The following SLIT1 variants were observed in gnomAD, a reference collection of about 807,000 sequenced individuals.
The protein encoded by SLIT1 is slit homolog 1 protein.
Under a neutral mutation model 186.1 loss-of-function variants are expected in SLIT1, and 66 were observed. The ratio of observed to expected loss-of-function variants is 0.35; its 90% CI spans 0.29 to 0.44. SLIT1 has a LOEUF of 0.44. SLIT1 is among the 20% of genes least tolerant of loss of function. SLIT1 has a pLI of 1.00. For missense variants in SLIT1, 1,638 were observed against 2,037.4 expected (o/e 0.80, Z 3.77); for synonymous variants, 761 against 833.8 (o/e 0.91, Z 1.50).
Position 97,019,060 on chromosome 10 carries a change from T to C in SLIT1, c.2794A>G (p.Ser932Gly), listed in dbSNP as rs751704573. The change falls in exon 27 of 37, where the codon AGT becomes GGT. Residue 932 changes from serine (S) to glycine (G), a missense_variant. Physicochemically the swap from Ser to Gly is moderately conservative, Grantham distance 56 (BLOSUM62 0). Transcript: ENST00000266058. ...CAGGTGCCCTGGTTCTGGCACGGACTGGACAAGCAGAGATCACACTTGGCC... is the reference window on the plus strand; with the variant it reads ...CAGGTGCCCTGGTTCTGGCACGGACCGGACAAGCAGAGATCACACTTGGCC... ...VQAKCDLCLS[S>G]PCQNQGTCHN... is the part of the protein sequence containing the mutation. The C allele has an allele frequency of 6.2e-7, 1 of 1,613,712 alleles. No individual in the cohort carries two copies. The highest frequency in any genetic ancestry group is 1.3e-5 in the African/African-American group (1 of 74,844).
intron 3 of SLIT1, among the ~76,000 whole-genome samples, chr10:97,160,141 G>C (rs17411116): frequency 6.6e-6 from 1 of 152,090 alleles, no homozygotes; most frequent in African/African-American, 2.4e-5. Context: ...CTGCAGACCC[G>C]CTGAGGCCAC....
At chr10:97,033,167 G>GC (rs1222203858) in intron 23 of SLIT1, among the ~76,000 whole-genome samples, 1 of 151,236 alleles carries the variant, frequency 6.6e-6, no homozygotes, top group Admixed American at 6.6e-5. Context: ...TCCCACCTCA[G>GC]CCCCCCAAGT....
chr10:97,109,041 AT>A (rs1849441617), intron 4 of SLIT1, among the ~76,000 whole-genome samples: 1 of 151,680 alleles, frequency 6.6e-6, no homozygotes, highest in Non-Finnish European at 1.5e-5. Flanking sequence ...TGAAATAAAA[AT>A]TACAATCTAA....
At chr10:97,046,626 A>T (rs756345344) in intron 18 of SLIT1, 28 bp downstream of exon 18, 1 of 1,577,266 alleles carries the variant, frequency 6.3e-7, no homozygotes, top group South Asian at 1.1e-5. Context: ...CAGCTGGCCC[A>T]CCCTGCTCCC....
intron 4 of SLIT1, among the ~76,000 whole-genome samples, chr10:97,125,919 G>A (rs570178160): frequency 2.6e-5 from 4 of 152,248 alleles, no homozygotes; most frequent in African/African-American, 9.6e-5. Context: ...TATATGTGCT[G>A]ATATACAGTG....
intron 4 of SLIT1, among the ~76,000 whole-genome samples, chr10:97,135,794 AC>A (rs1284972899): frequency 2.0e-5 from 3 of 152,162 alleles, no homozygotes; most frequent in Admixed American, 1.3e-4. Context: ...AATGACAGAG[AC>A]CAGGTCGGGG....
At chr10:97,013,917 G>A in intron 29 of SLIT1, 83 bp from the exon 30 acceptor site, 1 of 1,550,606 alleles carries the variant, frequency 6.4e-7, no homozygotes, top group Non-Finnish European at 8.8e-7. Flanking sequence ...AAATCCTCCT[G>A]CAGACACTGA....
At chr10:97,130,420 G>A (rs1252352356) in intron 4 of SLIT1, among the ~76,000 whole-genome samples, 1 of 152,214 alleles carries the variant, frequency 6.6e-6, no homozygotes, top group African/African-American at 2.4e-5. Context: ...ATATTATTCA[G>A]CCTTAAAAAG....
chr10:97,073,425 C>G (rs899607455), intron 4 of SLIT1, among the ~76,000 whole-genome samples: 2 of 152,158 alleles, frequency 1.3e-5, no homozygotes, highest in Admixed American at 1.3e-4. Flanking sequence ...GCGGGATCTG[C>G]GACTGGAAGG....
chr10:97,014,031 G>T lies in SLIT1; in HGVS notation c.3097C>A (p.Leu1033Met). Residue 1033 changes from leucine (L) to methionine (M), a missense_variant, in exon 29 of 37, where the codon CTG becomes ATG. Leu to Met is a conservative substitution (Grantham distance 15). Coordinates refer to ENST00000266058, the MANE Select transcript of SLIT1 (RefSeq NM_003061.3). ...CTGACGCACTTACCCTCATACTGCA[G>T]GGGGCACTGGCAGGTGTAGTTGCCC... is the stretch of plus-strand genomic sequence containing the variant. ...GVGNYTCQCP[L>M]QYEGKACEQL... The T allele has an allele frequency of 6.2e-7, 1 of 1,613,582 alleles. No individual in the cohort carries two copies.
intron 4 of SLIT1, among the ~76,000 whole-genome samples, chr10:97,105,442 C>T (rs1849403747): frequency 2.0e-5 from 3 of 152,174 alleles, no homozygotes; most frequent in Non-Finnish European, 2.9e-5. Flanking sequence ...TGAAAGGGAA[C>T]CCAAGGCCCT....
intron 4 of SLIT1, among the ~76,000 whole-genome samples, chr10:97,132,881 C>T (rs1049929127): frequency 2.0e-5 from 3 of 152,212 alleles, no homozygotes; most frequent in African/African-American, 7.2e-5. Context: ...AGCACAGCTA[C>T]AGCCTACATT....
intron 22 of SLIT1, among the ~76,000 whole-genome samples, chr10:97,034,932 C>T (rs533905343): frequency 1.5e-3 from 227 of 152,276 alleles, no homozygotes; most frequent in African/African-American, 5.2e-3. Context: ...GCCCTCCCTA[C>T]GAGGCAGTCC....
At chr10:97,031,126 G>A (rs563593748) in intron 24 of SLIT1, among the ~76,000 whole-genome samples, 6 of 152,286 alleles carry the variant, frequency 3.9e-5, no homozygotes, top group South Asian at 2.1e-4. Context: ...GGGGGGAGGC[G>A]CTTCTTCTTA....
At chr10:97,105,267 A>C (rs1849401652) in intron 4 of SLIT1, among the ~76,000 whole-genome samples, 2 of 152,234 alleles carry the variant, frequency 1.3e-5, no homozygotes, top group Non-Finnish European at 2.9e-5. Flanking sequence ...GATGCAGGTA[A>C]GTTATTTGAC....
intron 13 of SLIT1, 85 bp from the exon 14 acceptor site, chr10:97,049,203 T>A: frequency 1.3e-6 from 2 of 1,491,970 alleles, no homozygotes; most frequent in African/African-American, 2.7e-5. Flanking sequence ...TCGTTGTGGC[T>A]GGGGCCAAGG....
At chr10:97,128,436 C>T (rs1849623433) in intron 4 of SLIT1, among the ~76,000 whole-genome samples, 2 of 152,216 alleles carry the variant, frequency 1.3e-5, no homozygotes, top group Admixed American at 1.3e-4. Flanking sequence ...CACTCCTCTT[C>T]AGCAAAGAGC....
At chr10:97,066,152 G>A in intron 4 of SLIT1, 66 bp from the exon 5 acceptor site, 1 of 1,305,546 alleles carries the variant, frequency 7.7e-7, no homozygotes, top group Non-Finnish European at 1.1e-6. Flanking sequence ...AGAGTGCTGT[G>A]ATAAGTCAGG....
At chr10:97,019,972 A>G in intron 26 of SLIT1, among the ~76,000 whole-genome samples, 1 of 148,956 alleles carries the variant, frequency 6.7e-6, no homozygotes, top group Non-Finnish European at 1.5e-5. Flanking sequence ...TTTTTCCTTT[A>G]TTTTCCTTTA....
Sources: gnomAD v4.1 joint callset for allele counts (sites outside exome capture counted in the v4.1 genomes callset) on GRCh38, gnomAD v4.1.1 for gene constraint, MANE v1.5 for transcripts, NCBI Gene and HGNC (gene_info 2026-07-23, HGNC 2026-07-21) for gene names.